The following C1S variants were observed in gnomAD, a reference collection of about 807,000 sequenced individuals.
C1S encodes complement C1s, also known as complement C1s subcomponent.
A neutral mutation model predicts 54.0 loss-of-function variants in C1S; 31 were observed. The observed-to-expected ratio is 0.57, with a 90% CI of 0.43 to 0.78. The LOEUF (loss-of-function observed/expected upper bound fraction) is 0.78, where lower values mean the gene tolerates loss of function less well. Among genes scored for constraint, C1S ranks in the 30% least tolerant of loss-of-function variants. The probability of loss-of-function intolerance (pLI) is 0.00; values close to 1 mark genes in which losing one functional copy is unlikely to be tolerated. For missense variants in C1S, 727 were observed against 851.8 expected (o/e 0.85, Z 1.82); for synonymous variants, 292 against 303.6 (o/e 0.96, Z 0.40).
rs1029471683 is a variant in C1S at position 7,070,701 on chromosome 12, C to T, written c.*50C>T. The T allele has an allele frequency of 6.0e-6, 8 of 1,334,812 alleles. No individual in the cohort carries two copies. The African/African-American group carries it at 7.2e-5, about 12-fold the overall frequency. 82.7% of individuals were successfully genotyped at this position (1,334,812 alleles called of 1,614,324 possible). On this transcript the variant is annotated 3_prime_UTR_variant, in exon 12 of 12. Coordinates refer to ENST00000360817, the MANE Select transcript of C1S (RefSeq NM_001734.5). The surrounding 1 kb of genome is among the most constrained non-coding windows in gnomAD (Gnocchi z 4.9). ...CCAAGGGTGGTGACCAATGCATTAC[C>T]TTCTGTTCCTTATGATATTCTCATT...
Position 7,070,292 on chromosome 12 carries a change from TG to T in C1S, c.1712del (p.Gly571AlafsTer19). ...MDGDLGLISGWGRTEKRDRAV... is the reference protein window; with the variant it reads ...MDGDLGLISGXGRTEKRDRAV... Reference sequence around the variant, plus strand: ...TGGGGACCTGGGACTGATCTCAGGCTGGGGCCGAACAGAGAAGAGAGATCGT... The same window carrying T: ...TGGGGACCTGGGACTGATCTCAGGCTGGGCCGAACAGAGAAGAGAGATCGT... On this transcript the variant is annotated frameshift_variant, in exon 12 of 12. Transcript: ENST00000360817. LOFTEE classifies it low-confidence loss of function (END_TRUNC). This position sits in a 1 kb window ranked among gnomAD's most constrained non-coding sequence, Gnocchi z 4.9. The T allele has an allele frequency of 6.2e-7, 1 of 1,614,250 alleles. No individual in the cohort carries two copies. Among genetic ancestry groups the T allele is most frequent in the Non-Finnish European group, 8.5e-7 (1 of 1,180,036 alleles).
chr12:7,070,353 C>T lies in C1S; in HGVS notation c.1769C>T (p.Ala590Val). The T allele has an allele frequency of 1.9e-6, 3 of 1,614,254 alleles. No homozygotes were observed. Among genetic ancestry groups the T allele is most frequent in the East Asian group, 2.2e-5 (1 of 44,888 alleles). The change falls in exon 12 of 12, where the codon GCT becomes GTT. Residue 590 changes from alanine (A) to valine (V), a missense_variant. Physicochemically the swap from Ala to Val is moderately conservative, Grantham distance 64 (BLOSUM62 0). Around this residue, in one of 3 missense-constraint regions of C1S, gnomAD observed 360 missense variants for 453.6 expected, o/e 0.79. Coordinates refer to ENST00000360817, the MANE Select transcript of C1S (RefSeq NM_001734.5). This position sits in a 1 kb window ranked among gnomAD's most constrained non-coding sequence, Gnocchi z 4.9. Reference sequence around the variant, plus strand: ...CTCAAGGCGGCAAGGTTACCTGTAGCTCCTTTAAGAAAATGCAAAGAAGTG... The same window carrying T: ...CTCAAGGCGGCAAGGTTACCTGTAGTTCCTTTAAGAAAATGCAAAGAAGTG... ...VRLKAARLPV[A>V]PLRKCKEVKV...
At chr12:7,066,983 T>C in intron 8 of C1S, 56 bp from the exon 9 acceptor site, 1 of 1,284,968 alleles carries the variant, frequency 7.8e-7, no homozygotes. Context: ...CCAGTTTTGA[T>C]TTTGGTTTCC....
chr12:7,063,447 A>G (rs1555161610), intron 4 of C1S: 2 of 441,240 alleles, frequency 4.5e-6, no homozygotes, highest in East Asian at 7.0e-5. Context: ...TAACTTGCCA[A>G]GAATCACACA....
At chr12:7,068,758 C>T in intron 11 of C1S, 1 of 573,548 alleles carries the variant, frequency 1.7e-6, no homozygotes. Flanking sequence ...CAGCCAGCGA[C>T]AGTTGGTGTC....
chr12:7,067,508 C>A, intron 9 of C1S, 135 bp from the exon 10 acceptor site: 1 of 957,312 alleles, frequency 1.0e-6, no homozygotes, highest in South Asian at 1.3e-5. Flanking sequence ...CACAGAGAGG[C>A]TGGTGTGGGG....
chr12:7,067,245 A>T (rs1368711308), intron 9 of C1S, 128 bp downstream of exon 9: 1 of 750,758 alleles, frequency 1.3e-6, no homozygotes, highest in Non-Finnish European at 2.4e-6. Context: ...TTTTGAAGGG[A>T]AGCCAGTCAT....
At chr12:7,061,051 C>T (rs1555161226) in intron 1 of C1S, among the ~76,000 whole-genome samples, 174 bp downstream of exon 1, 1 of 152,164 alleles carries the variant, frequency 6.6e-6, no homozygotes, top group African/African-American at 2.4e-5. Flanking sequence ...CCTACTTCAC[C>T]CCCTTACCTA....
At chr12:7,062,849 T>G (rs782564063) in intron 3 of C1S, 41 bp from the exon 4 acceptor site, 1 of 1,604,440 alleles carries the variant, frequency 6.2e-7, no homozygotes, top group Admixed American at 1.7e-5. Flanking sequence ...TACCAAAATA[T>G]TACCCTTTCC....
chr12:7,069,680 G>GT (rs59237518), intron 11 of C1S, among the ~76,000 whole-genome samples, 175 bp from the exon 12 acceptor site: 20,593 of 152,234 alleles, frequency 0.14, 1,397 homozygotes, highest in African/African-American at 0.14. Flanking sequence ...AAAGCGGGAT[G>GT]TTTAGGTAAG....
chr12:7,070,675 T>C lies in C1S; in HGVS notation c.*24T>C, dbSNP rs782558677. ...AATCCAGATACATCCCACCAGCCTCTCCAAGGGTGGTGACCAATGCATTAC... is the reference window on the plus strand; with the variant it reads ...AATCCAGATACATCCCACCAGCCTCCCCAAGGGTGGTGACCAATGCATTAC... On this transcript the variant is annotated 3_prime_UTR_variant, in exon 12 of 12. Coordinates refer to ENST00000360817, the MANE Select transcript of C1S (RefSeq NM_001734.5). This position sits in a 1 kb window ranked among gnomAD's most constrained non-coding sequence, Gnocchi z 4.9. 1.9e-6 allele frequency: 3 copies of C among 1,580,186 alleles called. No individual in the cohort carries two copies. The Admixed American group carries it at 5.0e-5, about 26-fold the overall frequency.
In C1S at chr12:7,066,606, C is replaced by A. The variant is rs374078970; in HGVS notation, c.960C>A (p.Thr320=). Residue 320 remains threonine (T), a synonymous_variant, in exon 8 of 12, where the codon ACC becomes ACA. Coordinates refer to ENST00000360817, the MANE Select transcript of C1S (RefSeq NM_001734.5). ...KYVFRDVVQI[T]CLDGFEVVEG... is the part of the protein sequence containing the mutation. Reference sequence around the variant, plus strand: ...TCTTTAGAGATGTGGTGCAGATAACCTGTCTGGATGGGTTTGAAGTTGTGG... The same window carrying A: ...TCTTTAGAGATGTGGTGCAGATAACATGTCTGGATGGGTTTGAAGTTGTGG... The A allele has an allele frequency of 1.9e-6, 3 of 1,612,802 alleles. No individual in the cohort carries two copies. The highest frequency in any genetic ancestry group is 2.2e-5 in the East Asian group (1 of 44,908).
At chr12:7,062,377 C>T in intron 2 of C1S, 98 bp from the exon 3 acceptor site, 4 of 891,624 alleles carry the variant, frequency 4.5e-6, no homozygotes, top group Non-Finnish European at 7.5e-6. Context: ...TTGACTGCCT[C>T]TCTTCTTCCC....
chr12:7,067,710 T>C lies in C1S; in HGVS notation c.1134T>C (p.Phe378=), dbSNP rs1305823966. 6.2e-7 allele frequency: 1 copy of C among 1,614,096 alleles called. No homozygotes were observed. The highest frequency in any genetic ancestry group is 8.5e-7 in the Non-Finnish European group (1 of 1,179,930). ...GKVEDPESTL[F]GSVIRYTCEE... ...TTGAAGACCCAGAGAGCACTTTGTTTGGTTCTGTCATCCGCTACACTTGTG... is the reference window on the plus strand; with the variant it reads ...TTGAAGACCCAGAGAGCACTTTGTTCGGTTCTGTCATCCGCTACACTTGTG... The change falls in exon 10 of 12, where the codon TTT becomes TTC. Residue 378 remains phenylalanine (F), a synonymous_variant. Transcript: ENST00000360817.
chr12:7,068,552 G>C, intron 11 of C1S, 22 bp downstream of exon 11: 1 of 1,569,942 alleles, frequency 6.4e-7, no homozygotes. Context: ...TGAGGCTTGG[G>C]GAGAGATGAT....
At chr12:7,067,185 A>C (rs782641838) in intron 9 of C1S, 68 bp downstream of exon 9, 30 of 1,096,702 alleles carry the variant, frequency 2.7e-5, no homozygotes, top group Non-Finnish European at 3.4e-5. Context: ...CAGCACATCA[A>C]AATTCAAATG....
Position 7,067,120 on chromosome 12 carries a change from A to T in C1S, c.1066+3A>T. 1 of 1,562,838 alleles carries T rather than the reference A, an allele frequency of 6.4e-7. No individual in the cohort carries two copies. The highest frequency in any genetic ancestry group is 8.8e-7 in the Non-Finnish European group (1 of 1,133,306). ...TAATTCCAAACTGAAATGTCAACGTATGTGTCTCTTCAAAGTGGAAGTCTT... is the reference window on the plus strand; with the variant it reads ...TAATTCCAAACTGAAATGTCAACGTTTGTGTCTCTTCAAAGTGGAAGTCTT... On this transcript the variant is annotated splice_donor_region_variant and intron_variant, in intron 9 of 11. Transcript: ENST00000360817.
At position 7,066,567 on chromosome 12, in the gene C1S, G is replaced by A. The variant is rs782012840; in HGVS notation, c.921G>A (p.Ala307=). 4.4e-5 allele frequency: 71 copies of A among 1,613,932 alleles called. No homozygotes were observed. Among genetic ancestry groups the A allele is most frequent in the Middle Eastern group, 3.3e-4 (2 of 6,084 alleles). ...EDTPNSVWEP[A]KAKYVFRDVV... ...CTCCCAATTCTGTTTGGGAGCCTGC[G>A]AAGGCAAAATATGTCTTTAGAGATG... The change falls in exon 8 of 12, where the codon GCG becomes GCA. Residue 307 remains alanine, a synonymous_variant. Coordinates refer to ENST00000360817, the MANE Select transcript of C1S (RefSeq NM_001734.5).
At chr12:7,062,825 T>C in intron 3 of C1S, 65 bp from the exon 4 acceptor site, 3 of 1,577,672 alleles carry the variant, frequency 1.9e-6, no homozygotes, top group Non-Finnish European at 2.6e-6. Flanking sequence ...TCTCTGTCCC[T>C]TCTTTTAACT....
Sources: gnomAD v4.1 joint callset for allele counts (sites outside exome capture counted in the v4.1 genomes callset) on GRCh38, gnomAD v4.1.1 for gene constraint, gnomAD v4.1.1 regional missense constraint, Gnocchi (gnomAD v3.1) non-coding constraint, MANE v1.5 for transcripts, NCBI Gene and HGNC (gene_info 2026-07-23, HGNC 2026-07-21) for gene names.